ADCY7: variants seen among roughly 807,000 people sequenced by gnomAD.
ADCY7 encodes the protein adenylate cyclase type 7.
A neutral mutation model predicts 120.6 loss-of-function variants in ADCY7; 72 were observed. That is an observed-to-expected ratio of 0.60 (90% CI 0.49 to 0.73). The LOEUF (loss-of-function observed/expected upper bound fraction) is 0.73, where lower values mean the gene tolerates loss of function less well. Among genes scored for constraint, ADCY7 ranks in the 30% least tolerant of loss-of-function variants. The pLI is 0.00. For synonymous variants in ADCY7, 661 were observed against 628.0 expected, an observed-to-expected ratio of 1.05 and a Z score of -0.78; for missense variants, 1,227 against 1,486.0, an observed-to-expected ratio of 0.83 and a Z score of 2.87.
intron 11 of ADCY7, among the ~76,000 whole-genome samples, 176 bp downstream of exon 11, chr16:50,304,727 C>G (rs976853967): frequency 2.8e-4 from 42 of 152,226 alleles, no homozygotes; most frequent in African/African-American, 9.2e-4. Context: ...GGAGAATACT[C>G]CGGGATGGCC....
chr16:50,305,102 A>G, intron 12 of ADCY7, 143 bp downstream of exon 12: 1 of 1,066,496 alleles, frequency 9.4e-7, no homozygotes, highest in Admixed American at 2.0e-5. Flanking sequence ...GGGTCAAAGC[A>G]TTTCTAGGAA....
intron 1 of ADCY7, among the ~76,000 whole-genome samples, chr16:50,276,746 AC>A (rs1346789889): frequency 2.0e-5 from 3 of 152,026 alleles, no homozygotes; most frequent in Non-Finnish European, 4.4e-5. Context: ...GGCATGTACC[AC>A]TGTGCCTGGC....
intron 1 of ADCY7, among the ~76,000 whole-genome samples, chr16:50,285,571 G>A (rs1331213662): frequency 6.6e-6 from 1 of 152,170 alleles, no homozygotes; most frequent in African/African-American, 2.4e-5. Flanking sequence ...TTCTGCTGGC[G>A]GCTGGCCATT....
At chr16:50,294,203 C>A (rs948541583) in intron 6 of ADCY7, among the ~76,000 whole-genome samples, 2 of 152,106 alleles carry the variant, frequency 1.3e-5, no homozygotes, top group African/African-American at 2.4e-5. Context: ...AACGGGAGTT[C>A]GGCAAGGGCT....
intron 1 of ADCY7, among the ~76,000 whole-genome samples, chr16:50,281,123 G>A (rs1017899603): frequency 6.6e-6 from 1 of 152,188 alleles, no homozygotes; most frequent in African/African-American, 2.4e-5. Context: ...CCATGGTTGG[G>A]CTCTGACCCT....
Position 50,293,142 on chromosome 16 carries a change from G to A in ADCY7, c.688-212G>A, listed in dbSNP as rs114992991. 5.7e-3 allele frequency among the ~76,000 whole-genome samples: 870 copies of A among 152,242 alleles called. 10 individuals carry two copies. Among genetic ancestry groups the A allele is most frequent in the African/African-American group, 0.02 (835 of 41,536 alleles). On this transcript the variant is annotated intron_variant, in intron 5 of 25. Coordinates refer to ENST00000673801, the MANE Select transcript of ADCY7 (RefSeq NM_001114.5). ...CCCTTTCTCAGTCACCCTGAGTCCCGGGGGCTGCTGGGTACATGGGAGGTA... is the reference window on the plus strand; with the variant it reads ...CCCTTTCTCAGTCACCCTGAGTCCCAGGGGCTGCTGGGTACATGGGAGGTA...
chr16:50,304,778 G>C, intron 11 of ADCY7, 147 bp from the exon 12 acceptor site: 1 of 1,164,084 alleles, frequency 8.6e-7, no homozygotes, highest in Non-Finnish European at 1.3e-6. Context: ...ACCACGCTCA[G>C]CTATAGTCAG....
upstream of ADCY7, among the ~76,000 whole-genome samples, chr16:50,262,259 T>TC (rs1401815707): frequency 1.3e-5 from 2 of 148,684 alleles, no homozygotes; most frequent in African/African-American, 2.5e-5. Context: ...TCCTCAGATC[T>TC]CTTTTTTTTT....
chr16:50,306,848 T>A (rs1196820843), intron 14 of ADCY7, among the ~76,000 whole-genome samples: 1 of 152,172 alleles, frequency 6.6e-6, no homozygotes, highest in Admixed American at 6.5e-5. Context: ...AAAATAGAGA[T>A]GGGGACTCAC....
intron 1 of ADCY7, among the ~76,000 whole-genome samples, chr16:50,255,403 A>G (rs538076318): frequency 2.2e-3 from 4 of 1,832 alleles, no homozygotes; most frequent in African/African-American, 4.2e-3. Context: ...CTGTTTCTGG[A>G]AAAAAAAAAA....
Position 50,308,291 on chromosome 16 carries a change from C to T in ADCY7, c.1851-36C>T, listed in dbSNP as rs536109580. On this transcript the variant is annotated intron_variant, in intron 15 of 25. Transcript: ENST00000673801. ...GGGGGCGGTGGTCCTGGGCAGAAGG[C>T]CCTAGGCAGAACTGAGGTTCTTCCC... 5.6e-6 allele frequency: 9 copies of T among 1,614,022 alleles called. No homozygotes were observed. The South Asian group carries it at 9.9e-5, about 18-fold the overall frequency.
At chr16:50,269,450 T>C (rs910864259) in intron 1 of ADCY7, among the ~76,000 whole-genome samples, 2 of 152,212 alleles carry the variant, frequency 1.3e-5, no homozygotes, top group African/African-American at 4.8e-5. Flanking sequence ...TCCCCTACCC[T>C]GCCCTGTGCC....
Position 50,310,511 on chromosome 16 carries a change from C to T in ADCY7, c.2161-176C>T, listed in dbSNP as rs575067744. The T allele has an allele frequency of 1.9e-4, 294 of 1,538,814 alleles. 2 individuals carry two copies. In the African/African-American group the frequency reaches 3.6e-3, roughly 19 times the overall value. ...GCTCACTTCATAAGAAATAAAACTACAGTGAAAACAACACTGGACACTCTT... is the reference window on the plus strand; with the variant it reads ...GCTCACTTCATAAGAAATAAAACTATAGTGAAAACAACACTGGACACTCTT... On this transcript the variant is annotated intron_variant, in intron 18 of 25. Transcript: ENST00000673801.
At chr16:50,309,761 A>G in intron 18 of ADCY7, 115 bp downstream of exon 18, 1 of 934,482 alleles carries the variant, frequency 1.1e-6, no homozygotes, top group Non-Finnish European at 1.6e-6. Flanking sequence ...CAGCATGTGG[A>G]GGCTGAGAAC....
chr16:50,280,391 ACTC>A (rs2034185229), intron 1 of ADCY7, among the ~76,000 whole-genome samples: 1 of 148,360 alleles, frequency 6.7e-6, no homozygotes, highest in African/African-American at 2.5e-5. Flanking sequence ...AAAAAAAACA[ACTC>A]CTGGATTCGT....
At chr16:50,306,890 G>A (rs536467984) in intron 14 of ADCY7, among the ~76,000 whole-genome samples, 160 bp from the exon 15 acceptor site, 20 of 152,142 alleles carry the variant, frequency 1.3e-4, no homozygotes, top group Non-Finnish European at 2.5e-4. Flanking sequence ...AAACTACTGG[G>A]CTCAAGTGAA....
intron 21 of ADCY7, 136 bp from the exon 22 acceptor site, chr16:50,312,754 T>C: frequency 1.2e-6 from 1 of 826,744 alleles, no homozygotes; most frequent in East Asian, 2.7e-5. Flanking sequence ...ATGAAACTCA[T>C]GCAGCCCGCC....
intron 6 of ADCY7, 38 bp downstream of exon 6, chr16:50,293,540 C>G (rs368635724): frequency 6.2e-7 from 1 of 1,604,078 alleles, no homozygotes; most frequent in Non-Finnish European, 8.5e-7. Context: ...ATCCCGGGGA[C>G]TGGGCCCACC....
chr16:50,269,147 C>G (rs1411614117), intron 1 of ADCY7, among the ~76,000 whole-genome samples: 1 of 152,248 alleles, frequency 6.6e-6, no homozygotes, highest in Non-Finnish European at 1.5e-5. Context: ...CCATTCCCCA[C>G]CTCCTCCACC....
Sources: allele counts gnomAD v4.1 joint callset (sites outside exome capture counted in the v4.1 genomes callset), GRCh38; gene constraint gnomAD v4.1.1; transcripts MANE v1.5; gene names NCBI Gene and HGNC (gene_info 2026-07-23, HGNC 2026-07-21).